GRIP1: variants seen among roughly 807,000 people sequenced by gnomAD.
The protein encoded by GRIP1 is glutamate receptor-interacting protein 1.
Under a neutral mutation model 129.9 loss-of-function variants are expected in GRIP1, and 45 were observed. The ratio of observed to expected loss-of-function variants is 0.35; its 90% CI spans 0.27 to 0.44. The LOEUF (loss-of-function observed/expected upper bound fraction) is 0.44. GRIP1 is among the 20% of genes least tolerant of loss of function. GRIP1 has a pLI of 1.00. For missense variants in GRIP1, 1,196 were observed against 1,396.8 expected, an observed-to-expected ratio of 0.86 and a Z score of 2.29; for synonymous variants, 530 against 520.8, an observed-to-expected ratio of 1.02 and a Z score of -0.24.
At chr12:66,657,760 A>G (rs2033250470) in intron 1 of GRIP1, among the ~76,000 whole-genome samples, 1 of 152,206 alleles carries the variant, frequency 6.6e-6, no homozygotes, top group Admixed American at 6.5e-5. Flanking sequence ...CATATCTAGC[A>G]TGAACCTAAT....
intron 7 of GRIP1, among the ~76,000 whole-genome samples, chr12:66,499,247 C>T (rs2060321485): frequency 6.6e-6 from 1 of 152,138 alleles, no homozygotes; most frequent in Non-Finnish European, 1.5e-5. Context: ...GTGACAGACT[C>T]CCATGTCATC....
intron 1 of GRIP1, among the ~76,000 whole-genome samples, chr12:66,747,449 T>C (rs2036984501): frequency 6.6e-6 from 1 of 152,202 alleles, no homozygotes; most frequent in African/African-American, 2.4e-5. Flanking sequence ...GTAAGTTACA[T>C]CTGCTAAACA....
chr12:66,857,139 C>A (rs1204428454), intron 1 of GRIP1, among the ~76,000 whole-genome samples: 2 of 151,436 alleles, frequency 1.3e-5, no homozygotes, highest in African/African-American at 4.9e-5. Context: ...AACCAAACAC[C>A]GCATGTTCTC....
At chr12:66,486,792 ATTT>A (rs34841524) in intron 7 of GRIP1, among the ~76,000 whole-genome samples, 4 of 149,334 alleles carry the variant, frequency 2.7e-5, no homozygotes, top group African/African-American at 2.4e-5. Flanking sequence ...GCAGGTCTCA[ATTT>A]TTTTTTTTTT....
At chr12:66,931,396 CA>C (rs372959440) in intron 1 of GRIP1, among the ~76,000 whole-genome samples, 33 of 152,128 alleles carry the variant, frequency 2.2e-4, no homozygotes, top group East Asian at 1.2e-3. Context: ...AGAAGAATAA[CA>C]AAGAATATCA....
intron 1 of GRIP1, among the ~76,000 whole-genome samples, chr12:66,727,027 G>A (rs1021676016): frequency 5.3e-5 from 8 of 152,108 alleles, no homozygotes; most frequent in Non-Finnish European, 2.9e-5. Flanking sequence ...TTCTAAATAC[G>A]ATAAAAATAA....
At chr12:66,958,029 T>G (rs553898033) in intron 1 of GRIP1, among the ~76,000 whole-genome samples, 4 of 151,674 alleles carry the variant, frequency 2.6e-5, no homozygotes, top group African/African-American at 9.8e-5. Context: ...TTTTGGATTA[T>G]GATTATAATA....
chr12:66,606,276 C>G lies in GRIP1; in HGVS notation c.56-9349G>C, dbSNP rs373295375. On this transcript the variant is annotated intron_variant, in intron 1 of 24. Transcript: ENST00000359742. ...AAAGTCGATGGCAGGAAAAGTAAACCTCAGGTTGATGTCCCTGGTTGTATG... is the reference window on the plus strand; with the variant it reads ...AAAGTCGATGGCAGGAAAAGTAAACGTCAGGTTGATGTCCCTGGTTGTATG... 2.6e-4 allele frequency among the ~76,000 whole-genome samples: 40 copies of G among 152,248 alleles called. 1 individual carries two copies. Among genetic ancestry groups the G allele is most frequent in the African/African-American group, 8.9e-4 (37 of 41,548 alleles).
chr12:66,605,227 T>C (rs2064466428), intron 1 of GRIP1, among the ~76,000 whole-genome samples: 1 of 152,184 alleles, frequency 6.6e-6, no homozygotes, highest in African/African-American at 2.4e-5. Context: ...GTTTCAAAAC[T>C]GAATCATTTA....
intron 1 of GRIP1, among the ~76,000 whole-genome samples, chr12:66,893,955 C>T (rs1263510400): frequency 1.3e-5 from 2 of 152,114 alleles, no homozygotes; most frequent in Non-Finnish European, 2.9e-5. Flanking sequence ...CATCTCTATT[C>T]CTCTTCTCCC....
At chr12:66,605,905 G>T (rs1245781181) in intron 1 of GRIP1, among the ~76,000 whole-genome samples, 1 of 152,056 alleles carries the variant, frequency 6.6e-6, no homozygotes, top group Non-Finnish European at 1.5e-5. Context: ...CTAGCATCCT[G>T]GAATAACAAG....
At chr12:66,834,866 G>A (rs1321906340) in intron 1 of GRIP1, among the ~76,000 whole-genome samples, 1 of 136,280 alleles carries the variant, frequency 7.3e-6, no homozygotes, top group Non-Finnish European at 1.5e-5. Context: ...GGCTATACGA[G>A]CTATGCTCAC....
intron 1 of GRIP1, among the ~76,000 whole-genome samples, chr12:66,730,701 CAAAAAAAAA>C (rs3051132): frequency 1.4e-5 from 1 of 71,188 alleles, no homozygotes; most frequent in African/African-American, 6.0e-5. Context: ...GGGTCATCTA[CAAAAAAAAA>C]AAAAAAAAAA....
chr12:66,976,288 G>C (rs1283028151), intron 1 of GRIP1, among the ~76,000 whole-genome samples: 1 of 152,178 alleles, frequency 6.6e-6, no homozygotes, highest in Admixed American at 6.6e-5. Flanking sequence ...TTGATTACCA[G>C]TGATACTGAA....
chr12:66,428,147 T>C (rs1439254737), intron 14 of GRIP1, among the ~76,000 whole-genome samples: 2 of 152,184 alleles, frequency 1.3e-5, no homozygotes, highest in African/African-American at 4.8e-5. Context: ...TTTGGTTTGG[T>C]AACATTTTGA....
At chr12:66,991,064 G>A (rs1278374938) in intron 1 of GRIP1, among the ~76,000 whole-genome samples, 4 of 151,586 alleles carry the variant, frequency 2.6e-5, no homozygotes, top group Admixed American at 1.3e-4. Context: ...ACGAGGTCAG[G>A]AGACGAGACC....
At chr12:66,381,351 G>A (rs924843914) in intron 19 of GRIP1, among the ~76,000 whole-genome samples, 1 of 152,208 alleles carries the variant, frequency 6.6e-6, no homozygotes, top group Non-Finnish European at 1.5e-5. Flanking sequence ...AAACACAGAT[G>A]TGTCTTCTCT....
chr12:66,546,070 T>C (rs1648313702), intron 2 of GRIP1, among the ~76,000 whole-genome samples: 1 of 152,104 alleles, frequency 6.6e-6, no homozygotes, highest in African/African-American at 2.4e-5. Flanking sequence ...CAGCAAAATA[T>C]TTTGTAACTA....
At chr12:66,973,509 G>A (rs2042106523) in intron 1 of GRIP1, among the ~76,000 whole-genome samples, 1 of 149,832 alleles carries the variant, frequency 6.7e-6, no homozygotes, top group Non-Finnish European at 1.5e-5. Flanking sequence ...AAAGATCTTT[G>A]AATTCTGAAT....
Sources: allele counts gnomAD v4.1 joint callset (sites outside exome capture counted in the v4.1 genomes callset), GRCh38; gene constraint gnomAD v4.1.1; transcripts MANE v1.5; gene names NCBI Gene and HGNC (gene_info 2026-07-23, HGNC 2026-07-21).